Variants in ZNF469 observed in about 807,000 individuals in gnomAD.
The protein encoded by ZNF469 is zinc finger protein 469.
In ZNF469, 1 loss-of-function variant was observed where a neutral mutation model predicts 1.0. The ratio of observed to expected loss-of-function variants is 1.00; its 90% CI spans 0.35 to 4.73. The LOEUF (loss-of-function observed/expected upper bound fraction) is 4.73, where lower values mean the gene tolerates loss of function less well. ZNF469 is among the 30% of genes most tolerant of loss of function. The pLI, the probability that ZNF469 is intolerant of heterozygous loss-of-function variation, is 0.16. For missense variants in ZNF469, 6,100 were observed against 5,356.3 expected (o/e 1.14, Z -4.33); for synonymous variants, 2,703 against 2,363.4 (o/e 1.14, Z -4.17).
chr16:88,288,523 A>G, the ZNF469 span, among the ~76,000 whole-genome samples: 1,120 of 152,314 alleles, frequency 7.4e-3, 1 homozygote, highest in Non-Finnish European at 0.013. Flanking sequence ...CTTGACATTT[A>G]TACTCATCAC....
chr16:88,176,838 G>C, the ZNF469 span, among the ~76,000 whole-genome samples: 5 of 152,240 alleles, frequency 3.3e-5, no homozygotes, highest in Non-Finnish European at 7.3e-5. Context: ...CTTGAGAGGA[G>C]AGACAACCCA....
chr16:88,330,774 GCCGCATGCTA>G, the ZNF469 span, among the ~76,000 whole-genome samples: 1 of 152,188 alleles, frequency 6.6e-6, no homozygotes, highest in East Asian at 1.9e-4. Flanking sequence ...GCCAGCCACT[GCCGCATGCTA>G]CCTGTTTGCC....
chr16:88,373,314 G>A, the ZNF469 span, among the ~76,000 whole-genome samples: 3 of 152,210 alleles, frequency 2.0e-5, no homozygotes, highest in African/African-American at 2.4e-5. Context: ...GAGTCTCATT[G>A]TGTGACAGGA....
chr16:88,434,542 G>A lies in ZNF469; in HGVS notation c.7072G>A (p.Ala2358Thr), dbSNP rs1179736987. Residue 2358 changes from alanine (A) to threonine (T), a missense_variant, in exon 3 of 3, where the codon GCA becomes ACA. Transcript: ENST00000565624. Reference protein sequence around the residue: ...VPTEPPTLQGAGPDSPACLEG... With the variant: ...VPTEPPTLQGTGPDSPACLEG... ...CACTGAGCCTCCCACGCTACAGGGT[G>A]CAGGGCCGGACTCCCCCGCCTGCCT... The A allele has an allele frequency of 1.3e-6, 2 of 1,550,336 alleles. No homozygotes were observed. Among genetic ancestry groups the A allele is most frequent in the East Asian group, 2.4e-5 (1 of 40,920 alleles).
the ZNF469 span, among the ~76,000 whole-genome samples, chr16:88,198,471 G>C: frequency 2.0e-5 from 3 of 152,240 alleles, no homozygotes; most frequent in African/African-American, 7.2e-5. Flanking sequence ...CAGTAAGGTG[G>C]CCATGAGTCA....
intron 2 of ZNF469, among the ~76,000 whole-genome samples, chr16:88,425,336 A>C (rs1905651725): frequency 6.6e-6 from 1 of 152,010 alleles, no homozygotes. Context: ...GGGGGGTCTG[A>C]CATGTGGGAC....
chr16:88,380,466 CAT>C (rs1263739654), upstream of ZNF469, among the ~76,000 whole-genome samples: 2 of 141,700 alleles, frequency 1.4e-5, no homozygotes, highest in South Asian at 2.3e-4. Flanking sequence ...TGCACACACA[CAT>C]GCACTCACAC....
the ZNF469 span, among the ~76,000 whole-genome samples, chr16:88,260,591 A>G: frequency 4.3e-4 from 66 of 152,106 alleles, no homozygotes; most frequent in African/African-American, 1.5e-3. This position sits in a 1 kb window ranked among gnomAD's most constrained non-coding sequence, Gnocchi z 4.1. Context: ...CTCTTTTACA[A>G]AACTGCTTGA....
At chr16:88,380,239 A>G, upstream of ZNF469, among the ~76,000 whole-genome samples, 1 of 151,676 alleles carries the variant, frequency 6.6e-6, no homozygotes, top group African/African-American at 2.4e-5. Context: ...ACATGCACTC[A>G]CACACAAATG....
At chr16:88,304,358 C>T in the ZNF469 span, among the ~76,000 whole-genome samples, 3 of 152,198 alleles carry the variant, frequency 2.0e-5, no homozygotes, top group East Asian at 1.9e-4. Context: ...CGAGTCTGCA[C>T]GGCCAGTACA....
At chr16:88,113,014 G>A in the ZNF469 span, among the ~76,000 whole-genome samples, 8 of 151,930 alleles carry the variant, frequency 5.3e-5, no homozygotes, top group East Asian at 3.9e-4. Flanking sequence ...TCCTGACCTC[G>A]TGATCCACCC....
the ZNF469 span, among the ~76,000 whole-genome samples, chr16:88,244,908 A>T: frequency 1.3e-5 from 2 of 151,854 alleles, no homozygotes; most frequent in Non-Finnish European, 2.9e-5. Flanking sequence ...CAATGACAAG[A>T]AGAGACCCTC....
chr16:88,436,096 C>T lies in ZNF469; in HGVS notation c.8626C>T (p.His2876Tyr), dbSNP rs543678278. Residue 2876 changes from histidine (H) to tyrosine (Y), a missense_variant, in exon 3 of 3, where the codon CAT becomes TAT. His to Tyr is a moderately conservative substitution (Grantham distance 83, BLOSUM62 2). Transcript: ENST00000565624. ...TCGCTTGACTAGAAAGAGGAACCCGCATGTCTACGGGAAGCGCTGTGAGAA... is the reference window on the plus strand; with the variant it reads ...TCGCTTGACTAGAAAGAGGAACCCGTATGTCTACGGGAAGCGCTGTGAGAA... The part of the protein sequence containing the change: ...GGRLTRKRNP[H>Y]VYGKRCEKPV... The T allele has an allele frequency of 1.2e-5, 19 of 1,549,800 alleles. No individual in the cohort carries two copies. Among genetic ancestry groups the T allele is most frequent in the South Asian group, 3.6e-5 (3 of 84,068 alleles).
chr16:88,167,143 C>T, the ZNF469 span, among the ~76,000 whole-genome samples: 1 of 145,240 alleles, frequency 6.9e-6, no homozygotes, highest in Admixed American at 7.0e-5. Flanking sequence ...CTCACTGTAA[C>T]CTCCGCCTCC....
chr16:88,421,586 C>A (rs553658768), intron 1 of ZNF469, among the ~76,000 whole-genome samples: 242 of 152,308 alleles, frequency 1.6e-3, no homozygotes, highest in African/African-American at 5.0e-3. Flanking sequence ...AGGCAAATGT[C>A]CCTGCTGTCC....
At chr16:88,379,955 T>C (rs900183131), upstream of ZNF469, among the ~76,000 whole-genome samples, 2 of 152,182 alleles carry the variant, frequency 1.3e-5, no homozygotes, top group Non-Finnish European at 2.9e-5. Flanking sequence ...GCATGGACTC[T>C]GAGTGAGGGC....
chr16:88,166,091 T>C, the ZNF469 span, among the ~76,000 whole-genome samples: 1 of 152,282 alleles, frequency 6.6e-6, no homozygotes, highest in African/African-American at 2.4e-5. This position sits in a 1 kb window ranked among gnomAD's most constrained non-coding sequence, Gnocchi z 4.5. Context: ...TCACTGCGTG[T>C]AGAGTGAGAT....
the ZNF469 span, among the ~76,000 whole-genome samples, chr16:88,272,535 T>C: frequency 3.0e-3 from 450 of 149,754 alleles, 6 homozygotes; most frequent in East Asian, 0.037. Context: ...GATGAGTGGA[T>C]AGATGAATGA....
chr16:88,137,854 G>T, the ZNF469 span, among the ~76,000 whole-genome samples: 1 of 152,230 alleles, frequency 6.6e-6, no homozygotes, highest in Non-Finnish European at 1.5e-5. Flanking sequence ...CCCTGGGTTT[G>T]CAGATTTGGC....
Sources: gnomAD v4.1 joint callset for allele counts (sites outside exome capture counted in the v4.1 genomes callset) on GRCh38, gnomAD v4.1.1 for gene constraint, Gnocchi (gnomAD v3.1) non-coding constraint, MANE v1.5 for transcripts, NCBI Gene and HGNC (gene_info 2026-07-23, HGNC 2026-07-21) for gene names.